The following UNC79 variants were observed in gnomAD, a reference collection of about 807,000 sequenced individuals.
UNC79 encodes protein unc-79 homolog.
UNC79 carries 37 observed loss-of-function variants against 283.1 expected under a neutral mutation model. That is an observed-to-expected ratio of 0.13 (90% CI 0.10 to 0.17). The LOEUF (loss-of-function observed/expected upper bound fraction) is 0.17, where lower values mean the gene tolerates loss of function less well. Among genes scored for constraint, UNC79 ranks in the 10% least tolerant of loss-of-function variants. UNC79 has a pLI of 1.00. For synonymous variants in UNC79, 1,107 were observed against 1,200.2 expected (o/e 0.92, Z 1.61); for missense variants, 2,272 against 3,211.1 (o/e 0.71, Z 7.07).
intron 1 of UNC79, among the ~76,000 whole-genome samples, chr14:93,445,893 G>T (rs932262148): frequency 6.6e-6 from 1 of 152,034 alleles, no homozygotes; most frequent in African/African-American, 2.4e-5. Context: ...TGACAAATTT[G>T]TCTAGTTGCC....
At chr14:93,417,249 T>C (rs868495862) in intron 1 of UNC79, among the ~76,000 whole-genome samples, 5,281 of 151,762 alleles carry the variant, frequency 0.035, 316 homozygotes, top group African/African-American at 0.12. Flanking sequence ...TTTGCTTGTC[T>C]GTAAAGTATT....
chr14:93,557,073 G>T (rs937432261), intron 14 of UNC79, among the ~76,000 whole-genome samples: 1 of 152,184 alleles, frequency 6.6e-6, no homozygotes, highest in Non-Finnish European at 1.5e-5. Flanking sequence ...TACAGAGAAG[G>T]ACATCCTTAA....
chr14:93,436,004 T>G (rs557574714), intron 1 of UNC79, among the ~76,000 whole-genome samples: 3 of 152,336 alleles, frequency 2.0e-5, no homozygotes, highest in African/African-American at 7.2e-5. Context: ...TTCTTGTTAG[T>G]TGCCTTAATT....
intron 47 of UNC79, among the ~76,000 whole-genome samples, chr14:93,701,600 A>G (rs1000837735): frequency 6.6e-6 from 1 of 152,262 alleles, no homozygotes; most frequent in African/African-American, 2.4e-5. Flanking sequence ...CCCAAAATAA[A>G]TCACATCTAA....
rs78853798 is a variant in UNC79 at position 93,508,388 on chromosome 14, A to G, written c.898+11102A>G. Among the ~76,000 whole-genome samples, 706 of 152,288 alleles carry G rather than the reference A, an allele frequency of 4.6e-3. 3 individuals are homozygous for G. The highest frequency in any genetic ancestry group is 0.016 in the African/African-American group (671 of 41,570). On this transcript the variant is annotated intron_variant, in intron 7 of 48. Coordinates refer to ENST00000555664, the Ensembl canonical transcript of UNC79. ...AAACAGCAGCAGCAGTAGCAGCAAC[A>G]ACAACAACAACAAAAAGAATTTCTG...
At chr14:93,568,673 A>G (rs1362002509) in intron 14 of UNC79, among the ~76,000 whole-genome samples, 1 of 150,732 alleles carries the variant, frequency 6.6e-6, no homozygotes, top group African/African-American at 2.4e-5. Flanking sequence ...CTCCGTCTCA[A>G]AAAAATAAAA....
At chr14:93,443,914 C>A (rs577320203) in intron 1 of UNC79, among the ~76,000 whole-genome samples, 3 of 152,068 alleles carry the variant, frequency 2.0e-5, no homozygotes, top group Non-Finnish European at 2.9e-5. Context: ...TATTTGCATA[C>A]CTGGTTTCAT....
intron 1 of UNC79, among the ~76,000 whole-genome samples, chr14:93,337,963 G>T (rs2053615893): frequency 6.6e-6 from 1 of 152,112 alleles, no homozygotes. Flanking sequence ...GCCTGGAGCT[G>T]CCCACCTCAC....
At chr14:93,461,365 T>G (rs1300952549) in intron 1 of UNC79, among the ~76,000 whole-genome samples, 1 of 152,252 alleles carries the variant, frequency 6.6e-6, no homozygotes, top group Non-Finnish European at 1.5e-5. Context: ...TAAGTGTTTT[T>G]TAGTCTATGA....
intron 1 of UNC79, among the ~76,000 whole-genome samples, chr14:93,416,314 C>A (rs1232645317): frequency 6.9e-6 from 1 of 145,622 alleles, no homozygotes; most frequent in African/African-American, 2.6e-5. Context: ...GTTCAGTTTC[C>A]ATGTAGTTGA....
intron 1 of UNC79, among the ~76,000 whole-genome samples, chr14:93,454,166 C>T (rs556782726): frequency 6.6e-6 from 1 of 152,036 alleles, no homozygotes; most frequent in South Asian, 2.1e-4. Flanking sequence ...CCTCAGTCTC[C>T]CAAGTAGCTG....
At chr14:93,685,754 G>C (rs566025917) in intron 42 of UNC79, among the ~76,000 whole-genome samples, 74 of 152,282 alleles carry the variant, frequency 4.9e-4, no homozygotes, top group African/African-American at 1.7e-3. Context: ...CTGATGTGTG[G>C]TTTCTCTCAT....
chr14:93,620,408 G>A (rs2067044816), intron 29 of UNC79, among the ~76,000 whole-genome samples: 2 of 152,126 alleles, frequency 1.3e-5, no homozygotes, highest in Non-Finnish European at 2.9e-5. Flanking sequence ...CTGTTAGGCT[G>A]TGTCTATGCC....
intron 20 of UNC79, among the ~76,000 whole-genome samples, chr14:93,585,431 C>T (rs2064151105): frequency 6.6e-6 from 1 of 152,142 alleles, no homozygotes; most frequent in Non-Finnish European, 1.5e-5. Context: ...GGCCCTATTT[C>T]TTATCATGGT....
chr14:93,702,919 G>C (rs1303915301), intron 47 of UNC79, among the ~76,000 whole-genome samples: 1 of 152,174 alleles, frequency 6.6e-6, no homozygotes, highest in Non-Finnish European at 1.5e-5. Flanking sequence ...ACCCTAATCT[G>C]CAGGCTGCTG....
chr14:93,641,743 T>C (rs974120949), intron 33 of UNC79, among the ~76,000 whole-genome samples: 1 of 152,178 alleles, frequency 6.6e-6, no homozygotes, highest in Non-Finnish European at 1.5e-5. Flanking sequence ...AGTGACCTGA[T>C]TGATAAATTA....
intron 26 of UNC79, among the ~76,000 whole-genome samples, chr14:93,607,515 A>G (rs1256549015): frequency 6.6e-6 from 1 of 152,210 alleles, no homozygotes; most frequent in African/African-American, 2.4e-5. Flanking sequence ...CTCTTGATGA[A>G]CTGGTCTTAG....
intron 1 of UNC79, among the ~76,000 whole-genome samples, chr14:93,377,849 T>A (rs1267013821): frequency 1.3e-5 from 2 of 152,218 alleles, no homozygotes; most frequent in African/African-American, 4.8e-5. Context: ...ACAATTCCCC[T>A]AATTCTTACC....
At chr14:93,415,592 A>G (rs2055435331) in intron 1 of UNC79, among the ~76,000 whole-genome samples, 1 of 152,070 alleles carries the variant, frequency 6.6e-6, no homozygotes, top group Non-Finnish European at 1.5e-5. Context: ...TTCAGAAGGA[A>G]TGGTAACAGT....
Sources: gnomAD v4.1 joint callset for allele counts (sites outside exome capture counted in the v4.1 genomes callset) on GRCh38, gnomAD v4.1.1 for gene constraint, MANE v1.5 for transcripts, NCBI Gene and HGNC (gene_info 2026-07-23, HGNC 2026-07-21) for gene names.